Variants in SLC24A2 observed in about 807,000 individuals in gnomAD.
SLC24A2 encodes sodium/potassium/calcium exchanger 2.
SLC24A2 carries 36 observed loss-of-function variants against 62.0 expected under a neutral mutation model. That is an observed-to-expected ratio of 0.58 (90% CI 0.44 to 0.77). The LOEUF is 0.77. Ranked by LOEUF, SLC24A2 falls within the 30% of genes least tolerant of loss-of-function variation. The pLI, the probability that SLC24A2 is intolerant of heterozygous loss-of-function variation, is 0.00. For synonymous variants in SLC24A2, 358 were observed against 294.0 expected (o/e 1.22, Z -2.23); for missense variants, 846 against 817.9 (o/e 1.03, Z -0.42).
chr9:19,915,014 T>A, the SLC24A2 span, among the ~76,000 whole-genome samples: 1 of 152,190 alleles, frequency 6.6e-6, no homozygotes, highest in Non-Finnish European at 1.5e-5. Context: ...GTTTTTAGTA[T>A]ATTCACAATG....
chr9:20,285,061 C>A, the SLC24A2 span, among the ~76,000 whole-genome samples: 1 of 152,072 alleles, frequency 6.6e-6, no homozygotes, highest in South Asian at 2.1e-4. Context: ...GCCAAAATGA[C>A]GCAAACAATA....
At chr9:20,051,363 C>A in the SLC24A2 span, among the ~76,000 whole-genome samples, 1 of 151,874 alleles carries the variant, frequency 6.6e-6, no homozygotes, top group African/African-American at 2.4e-5. Flanking sequence ...GGAAAATTGA[C>A]AGAAGTACAA....
At chr9:20,305,387 G>A in the SLC24A2 span, among the ~76,000 whole-genome samples, 1 of 152,262 alleles carries the variant, frequency 6.6e-6, no homozygotes, top group East Asian at 1.9e-4. Flanking sequence ...TTACAGGCAT[G>A]AGCCACCGCG....
the SLC24A2 span, among the ~76,000 whole-genome samples, chr9:20,275,631 T>C: frequency 6.6e-6 from 1 of 152,236 alleles, no homozygotes; most frequent in Non-Finnish European, 1.5e-5. Flanking sequence ...TTTACTCCAA[T>C]GATATGTTGA....
chr9:19,814,836 T>C, the SLC24A2 span, among the ~76,000 whole-genome samples: 1,558 of 152,300 alleles, frequency 0.01, 26 homozygotes, highest in African/African-American at 0.035. Context: ...TAGAAAAGAA[T>C]CTTGAAAATG....
chr9:20,009,075 G>A, the SLC24A2 span, among the ~76,000 whole-genome samples: 19 of 152,132 alleles, frequency 1.2e-4, no homozygotes, highest in Non-Finnish European at 2.2e-4. Flanking sequence ...AGCTAGCATA[G>A]TGCCATGCAC....
chr9:19,909,913 T>C, the SLC24A2 span, among the ~76,000 whole-genome samples: 5 of 152,204 alleles, frequency 3.3e-5, no homozygotes, highest in African/African-American at 7.2e-5. Flanking sequence ...CACTTGCTTC[T>C]TTCTCTCTTC....
chr9:20,174,254 T>C, the SLC24A2 span, among the ~76,000 whole-genome samples: 10 of 151,986 alleles, frequency 6.6e-5, no homozygotes, highest in Non-Finnish European at 1.0e-4. Context: ...TTCCAGAAGA[T>C]AATGTCGGAA....
At chr9:19,799,944 G>A in the SLC24A2 span, among the ~76,000 whole-genome samples, 1 of 152,168 alleles carries the variant, frequency 6.6e-6, no homozygotes, top group African/African-American at 2.4e-5. Context: ...GCATGGTTAA[G>A]GCTCCAGGGG....
At chr9:20,150,728 T>A in the SLC24A2 span, among the ~76,000 whole-genome samples, 1 of 151,912 alleles carries the variant, frequency 6.6e-6, no homozygotes, top group African/African-American at 2.4e-5. Context: ...GTAAAAATTA[T>A]GGCATATTCA....
the SLC24A2 span, among the ~76,000 whole-genome samples, chr9:19,800,912 G>C: frequency 2.0e-5 from 3 of 152,194 alleles, no homozygotes; most frequent in Non-Finnish European, 2.9e-5. Context: ...CTTCTCTGCT[G>C]ATGTTCTCCC....
chr9:20,190,370 G>A, the SLC24A2 span, among the ~76,000 whole-genome samples: 2 of 152,128 alleles, frequency 1.3e-5, no homozygotes, highest in South Asian at 4.1e-4. Context: ...ATTAATAAAG[G>A]TGAAACTTCA....
At chr9:19,742,702 A>C (rs1455330880) in intron 2 of SLC24A2, among the ~76,000 whole-genome samples, 1 of 152,206 alleles carries the variant, frequency 6.6e-6, no homozygotes, top group East Asian at 1.9e-4. Context: ...TAGCATTAGA[A>C]CATGCCTTCT....
intron 5 of SLC24A2, among the ~76,000 whole-genome samples, chr9:19,582,152 A>G (rs572977652): frequency 6.6e-6 from 1 of 152,190 alleles, no homozygotes; most frequent in South Asian, 2.1e-4. Flanking sequence ...AGATCCAAGC[A>G]TAAGAGCTGA....
intron 2 of SLC24A2, among the ~76,000 whole-genome samples, chr9:19,783,811 T>A (rs974380931): frequency 1.3e-5 from 2 of 152,162 alleles, no homozygotes; most frequent in South Asian, 4.1e-4. Context: ...AAATAAGACA[T>A]AGCTTTGTTT....
At chr9:20,077,504 C>G in the SLC24A2 span, among the ~76,000 whole-genome samples, 4 of 152,256 alleles carry the variant, frequency 2.6e-5, no homozygotes, top group East Asian at 7.7e-4. Flanking sequence ...ACAGTCGGCG[C>G]TCTACAGTGT....
At chr9:19,649,746 GAAATAAGATTTAA>G (rs1269006356) in intron 2 of SLC24A2, among the ~76,000 whole-genome samples, 3 of 152,194 alleles carry the variant, frequency 2.0e-5, no homozygotes, top group Non-Finnish European at 4.4e-5. Context: ...ACAGCGGAAA[GAAATAAGATTTAA>G]CTACTGGCAC....
At chr9:20,004,585 T>C in the SLC24A2 span, among the ~76,000 whole-genome samples, 24 of 152,340 alleles carry the variant, frequency 1.6e-4, 1 homozygote, top group East Asian at 4.6e-3. Flanking sequence ...CATTAGTGGA[T>C]TTCACCATAT....
chr9:19,783,975 CCTG>C (rs1185995159), intron 2 of SLC24A2, among the ~76,000 whole-genome samples: 1 of 152,110 alleles, frequency 6.6e-6, no homozygotes, highest in Non-Finnish European at 1.5e-5. Context: ...ATGAATATAA[CCTG>C]CTTTCTTTTT....
Sources: gnomAD v4.1 joint callset for allele counts (sites outside exome capture counted in the v4.1 genomes callset) on GRCh38, gnomAD v4.1.1 for gene constraint, MANE v1.5 for transcripts, NCBI Gene and HGNC (gene_info 2026-07-23, HGNC 2026-07-21) for gene names.